The following ATP2B4 variants were observed in gnomAD, a reference collection of about 807,000 sequenced individuals.
The protein encoded by ATP2B4 is ATPase plasma membrane Ca2+ transporting 4.
ATP2B4 carries 39 observed loss-of-function variants against 110.3 expected under a neutral mutation model. The observed-to-expected ratio is 0.35, with a 90% CI of 0.27 to 0.46. The LOEUF is 0.46. Ranked by LOEUF, ATP2B4 falls within the 20% of genes least tolerant of loss-of-function variation. The probability of loss-of-function intolerance (pLI) is 1.00; values close to 1 mark genes in which losing one functional copy is unlikely to be tolerated. For missense variants in ATP2B4, 1,135 were observed against 1,530.9 expected (o/e 0.74, Z 4.32); for synonymous variants, 538 against 571.7 (o/e 0.94, Z 0.84).
intron 19 of ATP2B4, 69 bp from the exon 20 acceptor site, chr1:203,727,326 A>T: frequency 1.3e-6 from 2 of 1,570,116 alleles, no homozygotes; most frequent in Non-Finnish European, 8.7e-7. Context: ...GGCCTGGCTC[A>T]TGTAAGTTGA....
chr1:203,716,846 T>C (rs577801177), intron 15 of ATP2B4, among the ~76,000 whole-genome samples: 3 of 145,398 alleles, frequency 2.1e-5, no homozygotes, highest in South Asian at 2.4e-4. Context: ...CTTTCTTTCA[T>C]TGAGGGCTGC....
In ATP2B4 at chr1:203,723,998, G is replaced by A. The variant is rs761727979; in HGVS notation, c.3132+10G>A. 4.2e-5 allele frequency: 68 copies of A among 1,600,970 alleles called. No homozygotes were observed. In the East Asian group the frequency reaches 1.4e-3, roughly 34 times the overall value. The stretch of plus-strand genomic sequence containing the variant: ...ACTTCTGTGGGGCCAGGTGAGTACC[G>A]GCACACCCTCCTGGTGCATTCTCAC... On this transcript the variant is annotated intron_variant, in intron 19 of 20. Transcript: ENST00000357681.
At chr1:203,715,552 CA>C (rs1448327137) in intron 15 of ATP2B4, among the ~76,000 whole-genome samples, 1 of 139,320 alleles carries the variant, frequency 7.2e-6, no homozygotes, top group Non-Finnish European at 1.6e-5. Context: ...GATTCCGTCT[CA>C]AAAAAAATTT....
intron 12 of ATP2B4, 98 bp downstream of exon 12, chr1:203,711,206 T>A: frequency 9.1e-7 from 1 of 1,104,766 alleles, no homozygotes; most frequent in Non-Finnish European, 1.3e-6. Context: ...GCCTCTCACT[T>A]AGAGGGATAG....
At chr1:203,635,320 G>T (rs1033417874) in intron 1 of ATP2B4, among the ~76,000 whole-genome samples, 8 of 152,124 alleles carry the variant, frequency 5.3e-5, no homozygotes, top group Admixed American at 1.3e-4. Flanking sequence ...CCAGACTGGG[G>T]TGCAGTGGTG....
chr1:203,649,796 A>T (rs1266199023), intron 1 of ATP2B4, among the ~76,000 whole-genome samples: 4 of 152,138 alleles, frequency 2.6e-5, no homozygotes, highest in Non-Finnish European at 5.9e-5. Context: ...TCTAAAAAAC[A>T]AGCAAAAAAC....
intron 19 of ATP2B4, among the ~76,000 whole-genome samples, chr1:203,725,774 G>A (rs2102223072): frequency 6.6e-6 from 1 of 152,038 alleles, no homozygotes; most frequent in African/African-American, 2.4e-5. Context: ...CCCAGGTAAT[G>A]GACACTTTGC....
At chr1:203,718,941 G>A (rs953869423) in intron 15 of ATP2B4, among the ~76,000 whole-genome samples, 2 of 151,908 alleles carry the variant, frequency 1.3e-5, no homozygotes, top group Non-Finnish European at 2.9e-5. Context: ...TGCTTTTTAG[G>A]CCAGTGTGGT....
intron 11 of ATP2B4, among the ~76,000 whole-genome samples, chr1:203,709,771 G>C (rs1665953315): frequency 1.3e-5 from 2 of 152,174 alleles, no homozygotes; most frequent in African/African-American, 4.8e-5. Context: ...GATTATCCCT[G>C]TTTTACAGAT....
At chr1:203,632,164 C>G (rs1365317616) in intron 1 of ATP2B4, among the ~76,000 whole-genome samples, 1 of 149,954 alleles carries the variant, frequency 6.7e-6, no homozygotes. Flanking sequence ...AATGGTTAAA[C>G]AAACAATGGT....
chr1:203,634,254 C>G (rs1044939365), intron 1 of ATP2B4, among the ~76,000 whole-genome samples: 2 of 152,176 alleles, frequency 1.3e-5, no homozygotes, highest in African/African-American at 4.8e-5. Flanking sequence ...ACATGCATTA[C>G]ATTAACTATA....
At position 203,635,909 on chromosome 1, in the gene ATP2B4, A is replaced by G. The variant is rs74954268; in HGVS notation, c.-465+8690A>G. 2.9e-3 allele frequency among the ~76,000 whole-genome samples: 446 copies of G among 152,268 alleles called. 4 individuals carry two copies. In the East Asian group the frequency reaches 0.043, roughly 15 times the overall value. On this transcript the variant is annotated intron_variant, in intron 1 of 20. Transcript: ENST00000357681. ...TTCTAAGAAAGTAAGGTCCTTTAGGAAGCCTACCTTCCCACCCTCACTGCT... is the reference window on the plus strand; with the variant it reads ...TTCTAAGAAAGTAAGGTCCTTTAGGGAGCCTACCTTCCCACCCTCACTGCT...
chr1:203,667,443 A>G lies in ATP2B4; in HGVS notation c.-464-15299A>G, dbSNP rs140142393. ...AGTAAGGTTCTGGAGTGTGGCCTAT[A>G]CTTATTTTTCCTGTGCTCTTTTCTT... On this transcript the variant is annotated intron_variant, in intron 1 of 20. Coordinates refer to ENST00000357681, the MANE Select transcript of ATP2B4 (RefSeq NM_001684.5). Among the ~76,000 whole-genome samples, 182 of 152,316 alleles carry G rather than the reference A, an allele frequency of 1.2e-3. 2 individuals are homozygous for G. The East Asian group carries it at 0.032, about 27-fold the overall frequency.
chr1:203,672,036 A>T (rs2102345842), intron 1 of ATP2B4, among the ~76,000 whole-genome samples: 1 of 152,230 alleles, frequency 6.6e-6, no homozygotes, highest in South Asian at 2.1e-4. Flanking sequence ...GGGAGGGAGG[A>T]GTGCTGCTGT....
chr1:203,645,487 TTTTCATTTAAAAAGCATCTATATTTTC>T (rs1332321898), intron 1 of ATP2B4, among the ~76,000 whole-genome samples: 10 of 152,246 alleles, frequency 6.6e-5, no homozygotes, highest in African/African-American at 2.4e-4. Context: ...TTTGTTTTGT[TTTTCATTTAAAAAGCATCTATATTTTC>T]TTTCATCAGC....
At chr1:203,686,685 C>CTTTTGTTTTTTTTTTTTTTTTT (rs1665194016) in intron 2 of ATP2B4, among the ~76,000 whole-genome samples, 4 of 42,776 alleles carry the variant, frequency 9.4e-5, no homozygotes, top group Admixed American at 4.7e-4. Flanking sequence ...TCTTTTCTTT[C>CTTTTGTTTTTTTTTTTTTTTTT]TTTTTTTTTT....
chr1:203,648,293 T>TAAA (rs1291717941), intron 1 of ATP2B4, among the ~76,000 whole-genome samples: 18 of 150,434 alleles, frequency 1.2e-4, no homozygotes, highest in African/African-American at 3.7e-4. Context: ...GTGTTTTTTT[T>TAAA]AAAAAAAAAA....
intron 1 of ATP2B4, among the ~76,000 whole-genome samples, chr1:203,673,705 T>G (rs555578259): frequency 6.6e-6 from 1 of 152,154 alleles, no homozygotes; most frequent in Non-Finnish European, 1.5e-5. Flanking sequence ...CACACAGGAA[T>G]GTTGTTTTAA....
In ATP2B4 at chr1:203,729,952, C is replaced by T. The variant is rs57726148; in HGVS notation, c.3309+2381C>T. Among the ~76,000 whole-genome samples the T allele has an allele frequency of 7.1e-3, 1,087 of 152,182 alleles. 13 individuals are homozygous for T. Among genetic ancestry groups the T allele is most frequent in the African/African-American group, 0.022 (917 of 41,524 alleles). ...TGCTTGGATGCATCCACTTGGCTTC[C>T]TTTGGTCATTGAGTTTCAAGAAGAG... On this transcript the variant is annotated intron_variant, in intron 20 of 20. Transcript: ENST00000357681.
Sources: gnomAD v4.1 joint callset for allele counts (sites outside exome capture counted in the v4.1 genomes callset) on GRCh38, gnomAD v4.1.1 for gene constraint, MANE v1.5 for transcripts, NCBI Gene and HGNC (gene_info 2026-07-23, HGNC 2026-07-21) for gene names.